NALF1: variants seen among roughly 807,000 people sequenced by gnomAD.
NALF1 encodes family with sequence similarity 155 member A.
Under a neutral mutation model 48.4 loss-of-function variants are expected in NALF1, and 3 were observed. That is an observed-to-expected ratio of 0.06 (90% CI 0.03 to 0.16). NALF1 has a LOEUF of 0.16. NALF1 is among the 10% of genes least tolerant of loss of function. The pLI, the probability that NALF1 is intolerant of heterozygous loss-of-function variation, is 1.00. For missense variants in NALF1, 526 were observed against 571.5 expected (o/e 0.92, Z 0.81); for synonymous variants, 262 against 245.7 (o/e 1.07, Z -0.62).
rs534965204 is a variant in NALF1 at position 107,270,525 on chromosome 13, T to A, written c.916-59770A>T. On this transcript the variant is annotated intron_variant, in intron 1 of 2. Transcript: ENST00000375915. ...GTATTTCAAGATGTTAGGTGTGATTTTCAGTATAGAAATTCATATTAAAGT... is the reference window on the plus strand; with the variant it reads ...GTATTTCAAGATGTTAGGTGTGATTATCAGTATAGAAATTCATATTAAAGT... Among the ~76,000 whole-genome samples, 5 of 152,200 alleles carry A rather than the reference T, an allele frequency of 3.3e-5. No homozygotes were observed. The South Asian group carries it at 1.0e-3, about 32-fold the overall frequency.
intron 1 of NALF1, among the ~76,000 whole-genome samples, chr13:107,267,071 G>A (rs770657279): frequency 3.3e-5 from 5 of 152,160 alleles, no homozygotes; most frequent in Non-Finnish European, 5.9e-5. Context: ...TTCCACTGTA[G>A]GGCCAGGTAT....
In NALF1 at chr13:107,163,589, C is replaced by T. The variant is rs1878601266; in HGVS notation, c.*6908G>A. The T allele has an allele frequency of 2.0e-5, 3 of 152,148 alleles. No individual in the cohort carries two copies. Among genetic ancestry groups the T allele is most frequent in the African/African-American group, 4.8e-5 (2 of 41,434 alleles). The allele number at this position is 152,148 out of a possible 1,614,324, so 9.4% of individuals were successfully genotyped here. ...TTGAAATTTAAGATCCAAGGCATTT[C>T]TTTAGCTACTAATATACTCCGGAAT... On this transcript the variant is annotated 3_prime_UTR_variant, in exon 3 of 3. Transcript: ENST00000375915.
chr13:107,767,149 CA>C (rs1448329435), intron 1 of NALF1, among the ~76,000 whole-genome samples: 1 of 152,050 alleles, frequency 6.6e-6, no homozygotes, highest in Non-Finnish European at 1.5e-5. Flanking sequence ...CACAAAGAAA[CA>C]AAATAAATGT....
chr13:107,174,446 C>G (rs1878873745), intron 2 of NALF1, among the ~76,000 whole-genome samples: 1 of 151,864 alleles, frequency 6.6e-6, no homozygotes, highest in Non-Finnish European at 1.5e-5. Context: ...AGCTCTGCCT[C>G]CCGGGTTCAA....
intron 1 of NALF1, among the ~76,000 whole-genome samples, chr13:107,423,919 C>T (rs1884235194): frequency 6.6e-6 from 1 of 152,002 alleles, no homozygotes; most frequent in East Asian, 1.9e-4. Flanking sequence ...ACTTGCAAGA[C>T]ATTTTTTGCT....
intron 1 of NALF1, among the ~76,000 whole-genome samples, chr13:107,852,259 A>G (rs1472442871): frequency 6.6e-6 from 1 of 152,196 alleles, no homozygotes; most frequent in Non-Finnish European, 1.5e-5. Context: ...TATGAGTCAC[A>G]CATGATGAAA....
At chr13:107,456,429 T>C (rs1001791088) in intron 1 of NALF1, among the ~76,000 whole-genome samples, 1 of 152,206 alleles carries the variant, frequency 6.6e-6, no homozygotes, top group African/African-American at 2.4e-5. Flanking sequence ...TAGGGACCAG[T>C]AGGAATCAGC....
At chr13:107,239,720 G>T (rs1391934167) in intron 1 of NALF1, among the ~76,000 whole-genome samples, 1 of 152,144 alleles carries the variant, frequency 6.6e-6, no homozygotes, top group Non-Finnish European at 1.5e-5. Flanking sequence ...AGCTTATTGG[G>T]TGAAAAGACA....
intron 1 of NALF1, among the ~76,000 whole-genome samples, chr13:107,380,779 C>T (rs943030611): frequency 6.6e-6 from 1 of 151,778 alleles, no homozygotes; most frequent in East Asian, 1.9e-4. Context: ...GAGATCGAGA[C>T]CATCCTGGCT....
chr13:107,553,646 TTC>T (rs1877366176), intron 1 of NALF1, among the ~76,000 whole-genome samples: 1 of 152,210 alleles, frequency 6.6e-6, no homozygotes, highest in Non-Finnish European at 1.5e-5. Context: ...AATCAAAATA[TTC>T]ATTTGGCATT....
At chr13:107,594,769 T>C (rs1464956956) in intron 1 of NALF1, among the ~76,000 whole-genome samples, 1 of 152,086 alleles carries the variant, frequency 6.6e-6, no homozygotes, top group Admixed American at 6.6e-5. Context: ...TAAATTAATA[T>C]TGTTTTTCCT....
At chr13:107,783,524 A>C (rs2138580868) in intron 1 of NALF1, among the ~76,000 whole-genome samples, 1 of 152,298 alleles carries the variant, frequency 6.6e-6, no homozygotes, top group Non-Finnish European at 1.5e-5. Flanking sequence ...ACTAAGAAAA[A>C]TTCTTCTGCC....
intron 1 of NALF1, among the ~76,000 whole-genome samples, chr13:107,706,530 A>T (rs1303190303): frequency 6.6e-6 from 1 of 152,204 alleles, no homozygotes; most frequent in African/African-American, 2.4e-5. Context: ...GTTCTTCACC[A>T]CCTAGAACTG....
rs1336429211 is a variant in NALF1, at chr13:107,165,952, A to G, written c.*4545T>C. 2 of 152,094 alleles carry G rather than the reference A, an allele frequency of 1.3e-5. No homozygotes were observed. The highest frequency in any genetic ancestry group is 2.9e-5 in the Non-Finnish European group (2 of 68,070). The allele number at this position is 152,094 out of a possible 1,614,324, so 9.4% of individuals were successfully genotyped here. A position where few individuals can be genotyped will look rare whatever the true frequency, so the allele number is the denominator to read the frequency against. ...GTAGGATCATTCATCATTATGGTAT[A>G]CATGTGCTGTTATGGACTACATAAT... On this transcript the variant is annotated 3_prime_UTR_variant, in exon 3 of 3. Coordinates refer to ENST00000375915, the MANE Select transcript of NALF1 (RefSeq NM_001080396.3).
intron 1 of NALF1, among the ~76,000 whole-genome samples, chr13:107,764,385 TATATATGTGTGC>T (rs1422014799): frequency 6.6e-6 from 1 of 152,162 alleles, no homozygotes; most frequent in East Asian, 1.9e-4. Context: ...GTGTATATAT[TATATATGTGTGC>T]ATATATGTGT....
intron 1 of NALF1, among the ~76,000 whole-genome samples, chr13:107,355,951 G>C (rs957913250): frequency 1.3e-5 from 2 of 152,156 alleles, no homozygotes; most frequent in Admixed American, 1.3e-4. Context: ...CATTGATAAA[G>C]GTTCTGGCCC....
chr13:107,491,840 A>C (rs1875134433), intron 1 of NALF1, among the ~76,000 whole-genome samples: 1 of 152,138 alleles, frequency 6.6e-6, no homozygotes, highest in Non-Finnish European at 1.5e-5. Flanking sequence ...AAAAGAAATA[A>C]TTTGAAGACA....
At chr13:107,368,805 T>G (rs999191818) in intron 1 of NALF1, among the ~76,000 whole-genome samples, 3 of 152,258 alleles carry the variant, frequency 2.0e-5, no homozygotes, top group Non-Finnish European at 4.4e-5. Flanking sequence ...GTTCTTGGAA[T>G]TGGCCTGTGG....
intron 1 of NALF1, among the ~76,000 whole-genome samples, chr13:107,772,783 T>C (rs1303482496): frequency 6.6e-6 from 1 of 152,058 alleles, no homozygotes; most frequent in African/African-American, 2.4e-5. Context: ...GAAGCTTAGG[T>C]TCCTATGTGA....
Sources: gnomAD v4.1 joint callset for allele counts (sites outside exome capture counted in the v4.1 genomes callset) on GRCh38, gnomAD v4.1.1 for gene constraint, MANE v1.5 for transcripts, NCBI Gene and HGNC (gene_info 2026-07-23, HGNC 2026-07-21) for gene names.